Variants in BAZ1A observed in about 807,000 individuals in gnomAD.
BAZ1A encodes the protein bromodomain adjacent to zinc finger domain 1A.
BAZ1A carries 50 observed loss-of-function variants against 185.2 expected under a neutral mutation model. The observed-to-expected ratio is 0.27, with a 90% confidence interval of 0.22 to 0.34. The LOEUF (loss-of-function observed/expected upper bound fraction) is 0.34. Ranked by LOEUF, BAZ1A falls within the 10% of genes least tolerant of loss-of-function variation. The pLI, the probability that BAZ1A is intolerant of heterozygous loss-of-function variation, is 1.00. For synonymous variants in BAZ1A, 571 were observed against 615.6 expected (o/e 0.93, Z 1.07); for missense variants, 1,356 against 1,839.9 (o/e 0.74, Z 4.81).
At chr14:34,850,522 G>C (rs1474320211) in intron 3 of BAZ1A, among the ~76,000 whole-genome samples, 1 of 152,178 alleles carries the variant, frequency 6.6e-6, no homozygotes, top group Non-Finnish European at 1.5e-5. Context: ...TAAAGCACAT[G>C]GATGAACACT....
chr14:34,854,485 A>AT (rs1486862325), intron 3 of BAZ1A, among the ~76,000 whole-genome samples: 1 of 152,162 alleles, frequency 6.6e-6, no homozygotes, highest in East Asian at 1.9e-4. Context: ...ATAACATAAA[A>AT]TTTAACTTTC....
At chr14:34,842,879 C>A (rs2042438636) in intron 3 of BAZ1A, among the ~76,000 whole-genome samples, 1 of 151,980 alleles carries the variant, frequency 6.6e-6, no homozygotes. Context: ...ACATGGCTAT[C>A]CTGGGAATTA....
intron 23 of BAZ1A, among the ~76,000 whole-genome samples, chr14:34,762,959 A>G (rs1041933023): frequency 6.6e-6 from 1 of 152,220 alleles, no homozygotes; most frequent in Non-Finnish European, 1.5e-5. Context: ...ACCACTTTTC[A>G]TTATCATTGA....
At chr14:34,770,215 G>A (rs1213103916) in intron 21 of BAZ1A, among the ~76,000 whole-genome samples, 1 of 152,054 alleles carries the variant, frequency 6.6e-6, no homozygotes, top group Non-Finnish European at 1.5e-5. Flanking sequence ...GTGCAATGGT[G>A]CAGTCTCAGC....
chr14:34,760,517 A>G (rs1886476952), intron 24 of BAZ1A, among the ~76,000 whole-genome samples: 2 of 147,848 alleles, frequency 1.4e-5, no homozygotes, highest in East Asian at 2.0e-4. Flanking sequence ...AAACAGTGGC[A>G]TTTTTTATGT....
intron 4 of BAZ1A, among the ~76,000 whole-genome samples, chr14:34,823,125 G>A (rs1408575514): frequency 6.6e-6 from 1 of 152,142 alleles, no homozygotes; most frequent in Non-Finnish European, 1.5e-5. Flanking sequence ...AGGCTGATAT[G>A]GGTAGATCAA....
Position 34,807,554 on chromosome 14 carries a change from AAGTCAAAGAGGGGT to A in BAZ1A, c.639-30_639-17del. 1 of 1,598,274 alleles carries A rather than the reference AAGTCAAAGAGGGGT, an allele frequency of 6.3e-7. No homozygotes were observed. The highest frequency in any genetic ancestry group is 8.6e-7 in the Non-Finnish European group (1 of 1,167,120). ...TTTTCTCCGGCTACAGGAGGCAAGGAAGTCAAAGAGGGGTAGTGTTAGCATCAAAGAGTTCAACC... is the reference window on the plus strand; with the variant it reads ...TTTTCTCCGGCTACAGGAGGCAAGGAAGTGTTAGCATCAAAGAGTTCAACC... On this transcript the variant is annotated splice_polypyrimidine_tract_variant and intron_variant, in intron 5 of 26. Coordinates refer to ENST00000360310, the MANE Select transcript of BAZ1A (RefSeq NM_013448.3).
rs746414553 is a variant in BAZ1A, at chr14:34,801,162, G to C, written c.893C>G (p.Ala298Gly). Reference protein sequence around the residue: ...EDNVANKQTLASYRSKATKER... With the variant: ...EDNVANKQTLGSYRSKATKER... ...TTTAGTAGCTTTGCTCCTATAACTTGCAAGAGTCTGTTTATTAGCAACATT... is the reference window on the plus strand; with the variant it reads ...TTTAGTAGCTTTGCTCCTATAACTTCCAAGAGTCTGTTTATTAGCAACATT... The change falls in exon 8 of 27, where the codon GCA (alanine) becomes GGA (glycine). Residue 298 changes from alanine to glycine, a missense_variant. Ala to Gly is a moderately conservative substitution (Grantham distance 60). Around this residue, in one of 7 missense-constraint regions of BAZ1A, gnomAD observed 332 missense variants for 395.3 expected, o/e 0.84. Transcript: ENST00000360310. 15 of 1,606,428 alleles carry C rather than the reference G, an allele frequency of 9.3e-6. No homozygotes were observed. Among genetic ancestry groups the C allele is most frequent in the Non-Finnish European group, 1.1e-5 (13 of 1,177,602 alleles).
intron 2 of BAZ1A, among the ~76,000 whole-genome samples, chr14:34,871,568 G>A (rs2042948738): frequency 6.6e-6 from 1 of 152,226 alleles, no homozygotes; most frequent in Non-Finnish European, 1.5e-5. Flanking sequence ...CAGGTTCTTG[G>A]AGAAGACAAA....
intron 3 of BAZ1A, among the ~76,000 whole-genome samples, chr14:34,826,611 TTGC>T (rs1435974819): frequency 1.3e-5 from 2 of 152,224 alleles, no homozygotes; most frequent in East Asian, 3.8e-4. Flanking sequence ...GATTTCTTCT[TTGC>T]TCCACTGGTT....
At chr14:34,793,162 A>G (rs1308062080) in intron 11 of BAZ1A, among the ~76,000 whole-genome samples, 1 of 152,194 alleles carries the variant, frequency 6.6e-6, no homozygotes, top group Non-Finnish European at 1.5e-5. Flanking sequence ...GCCTCAATAG[A>G]TCAACATATT....
chr14:34,825,921 G>C, intron 4 of BAZ1A, 92 bp downstream of exon 4: 1 of 1,267,336 alleles, frequency 7.9e-7, no homozygotes, highest in Non-Finnish European at 1.0e-6. Context: ...CTGGGCAAAA[G>C]AGTGAAACTC....
At chr14:34,872,806 C>G (rs1213681343) in intron 2 of BAZ1A, among the ~76,000 whole-genome samples, 1 of 148,580 alleles carries the variant, frequency 6.7e-6, no homozygotes, top group African/African-American at 2.5e-5. Context: ...AGACTGCTTA[C>G]GTGGAAGGAG....
chr14:34,782,980 T>C (rs1880145750), intron 16 of BAZ1A, 139 bp downstream of exon 16: 3 of 684,610 alleles, frequency 4.4e-6, no homozygotes, highest in Non-Finnish European at 7.6e-6. Context: ...CTATTGAGTG[T>C]TTTTCTGGGA....
chr14:34,805,634 T>C (rs61981237), intron 6 of BAZ1A, among the ~76,000 whole-genome samples: 30,314 of 152,088 alleles, frequency 0.2, 3,497 homozygotes, highest in Non-Finnish European at 0.26. Flanking sequence ...GATAATGCTA[T>C]AGACAGAGCA....
intron 26 of BAZ1A, among the ~76,000 whole-genome samples, 159 bp downstream of exon 26, chr14:34,754,668 T>G (rs181487382): frequency 1.1e-3 from 162 of 152,296 alleles, no homozygotes; most frequent in African/African-American, 3.8e-3. Context: ...TAAGTACTTG[T>G]GGAACCTCAT....
intron 11 of BAZ1A, among the ~76,000 whole-genome samples, chr14:34,793,638 C>T (rs1880994668): frequency 6.6e-6 from 1 of 152,024 alleles, no homozygotes; most frequent in Admixed American, 6.6e-5. Flanking sequence ...GAAACCTCAT[C>T]TCTACTAAAA....
intron 3 of BAZ1A, among the ~76,000 whole-genome samples, chr14:34,847,159 G>A (rs1055659799): frequency 3.3e-5 from 5 of 151,660 alleles, no homozygotes; most frequent in African/African-American, 9.7e-5. Flanking sequence ...GCTGAGGCAC[G>A]AGAATGGCTT....
intron 25 of BAZ1A, 26 bp downstream of exon 25, chr14:34,758,678 T>C: frequency 1.2e-6 from 2 of 1,609,600 alleles, no homozygotes; most frequent in Non-Finnish European, 1.7e-6. Flanking sequence ...TATACAGGAA[T>C]ACATTTTATC....
Sources: gnomAD v4.1 joint callset for allele counts (sites outside exome capture counted in the v4.1 genomes callset) on GRCh38, gnomAD v4.1.1 for gene constraint, gnomAD v4.1.1 regional missense constraint, MANE v1.5 for transcripts, NCBI Gene and HGNC (gene_info 2026-07-23, HGNC 2026-07-21) for gene names.